Variants in SORCS2 observed in about 807,000 individuals in gnomAD.
SORCS2 encodes the protein sortilin related VPS10 domain containing receptor 2.
Under a neutral mutation model 141.6 loss-of-function variants are expected in SORCS2, and 100 were observed. The ratio of observed to expected loss-of-function variants is 0.71; its 90% CI spans 0.60 to 0.83. The LOEUF is 0.83. SORCS2 is among the 40% of genes least tolerant of loss of function. The probability of loss-of-function intolerance (pLI) is 0.00; values close to 1 mark genes in which losing one functional copy is unlikely to be tolerated. For synonymous variants in SORCS2, 789 were observed against 676.9 expected (o/e 1.17, Z -2.57); for missense variants, 1,646 against 1,560.2 (o/e 1.05, Z -0.93).
intron 3 of SORCS2, among the ~76,000 whole-genome samples, chr4:7,535,348 A>T (rs989925395): frequency 2.6e-5 from 4 of 152,098 alleles, no homozygotes; most frequent in Non-Finnish European, 4.4e-5. Context: ...AGTGCAGCGG[A>T]TGTGGGGCAC....
chr4:7,218,554 G>A (rs1350747309), intron 1 of SORCS2, among the ~76,000 whole-genome samples: 1 of 152,188 alleles, frequency 6.6e-6, no homozygotes, highest in Admixed American at 6.5e-5. Context: ...TCCTTGAGAA[G>A]CCTACTGCAT....
At position 7,689,564 on chromosome 4, in the gene SORCS2, GC is replaced by G; in HGVS notation, c.1571del (p.Pro524GlnfsTer49). ...VSGTVHTKDT[A>X]PGLIMGAGNL... ...AGGCACCGTGCACACCAAGGACACC[GC>G]CCCAGGCCTCATCATGGGTGCAGGT... On this transcript the variant is annotated frameshift_variant, in exon 11 of 27. Coordinates refer to ENST00000507866, the MANE Select transcript of SORCS2 (RefSeq NM_020777.3). LOFTEE classifies it high-confidence loss of function. 1 of 1,601,908 alleles carries G rather than the reference GC, an allele frequency of 6.2e-7. No homozygotes were observed.
chr4:7,225,816 C>A (rs919003398), intron 1 of SORCS2, among the ~76,000 whole-genome samples: 1 of 152,140 alleles, frequency 6.6e-6, no homozygotes, highest in African/African-American at 2.4e-5. Context: ...AGCGTGGTGT[C>A]CGTACAGCAG....
In SORCS2 at chr4:7,471,537, G is replaced by A. The variant is rs555876777; in HGVS notation, c.549-59993G>A. On this transcript the variant is annotated intron_variant, in intron 2 of 26. Transcript: ENST00000507866. ...CGTTCCAGGGAAGAGGGAGCAGAACGAAGATCAGCAGTGGCCCTCCAGCGG... is the reference window on the plus strand; with the variant it reads ...CGTTCCAGGGAAGAGGGAGCAGAACAAAGATCAGCAGTGGCCCTCCAGCGG... Among the ~76,000 whole-genome samples, 4 of 152,340 alleles carry A rather than the reference G, an allele frequency of 2.6e-5. No individual in the cohort carries two copies. In the East Asian group the frequency reaches 7.7e-4, roughly 29 times the overall value.
intron 1 of SORCS2, among the ~76,000 whole-genome samples, chr4:7,252,378 C>T (rs1368346393): frequency 1.2e-4 from 19 of 152,244 alleles, no homozygotes; most frequent in African/African-American, 3.6e-4. Flanking sequence ...GCTCAGGGGC[C>T]GGCAGTGCAT....
intron 9 of SORCS2, among the ~76,000 whole-genome samples, chr4:7,677,501 C>T (rs1366825624): frequency 6.6e-6 from 1 of 152,248 alleles, no homozygotes; most frequent in African/African-American, 2.4e-5. Flanking sequence ...TGGTGCCCTC[C>T]TCTTGGGACC....
chr4:7,558,328 C>T (rs1714282803), intron 3 of SORCS2, among the ~76,000 whole-genome samples: 1 of 152,126 alleles, frequency 6.6e-6, no homozygotes, highest in African/African-American at 2.4e-5. Flanking sequence ...TTGGCCTTGG[C>T]CCACTAGATG....
At chr4:7,571,265 A>C (rs1047364525) in intron 3 of SORCS2, among the ~76,000 whole-genome samples, 2 of 152,210 alleles carry the variant, frequency 1.3e-5, no homozygotes, top group African/African-American at 4.8e-5. Context: ...GTCTAGCCAG[A>C]CATGGCCCAG....
At chr4:7,246,828 A>T (rs1022358285) in intron 1 of SORCS2, among the ~76,000 whole-genome samples, 2 of 151,678 alleles carry the variant, frequency 1.3e-5, no homozygotes, top group African/African-American at 4.8e-5. Flanking sequence ...AGGGCCTGGA[A>T]CTCTTTCGCC....
At chr4:7,459,682 T>A (rs1377385845) in intron 2 of SORCS2, among the ~76,000 whole-genome samples, 56 of 152,120 alleles carry the variant, frequency 3.7e-4, no homozygotes, top group Non-Finnish European at 1.5e-5. Flanking sequence ...CTCAGAGTGC[T>A]CAGGAGGACT....
At chr4:7,593,887 A>G (rs761833782) in intron 3 of SORCS2, among the ~76,000 whole-genome samples, 6 of 152,166 alleles carry the variant, frequency 3.9e-5, no homozygotes, top group Non-Finnish European at 8.8e-5. Flanking sequence ...AGAAGGCGCT[A>G]CTCGGAGACT....
At chr4:7,304,887 G>C (rs1247534204) in intron 1 of SORCS2, among the ~76,000 whole-genome samples, 1 of 152,200 alleles carries the variant, frequency 6.6e-6, no homozygotes, top group Non-Finnish European at 1.5e-5. Flanking sequence ...CCAATGTTTG[G>C]GGCTGGGTTG....
chr4:7,578,898 T>C (rs1236711258), intron 3 of SORCS2, among the ~76,000 whole-genome samples: 1 of 152,238 alleles, frequency 6.6e-6, no homozygotes, highest in Non-Finnish European at 1.5e-5. Context: ...ACCTTATCCC[T>C]AAGTTTACTA....
intron 1 of SORCS2, among the ~76,000 whole-genome samples, chr4:7,261,615 G>A (rs1200287847): frequency 6.6e-6 from 1 of 152,200 alleles, no homozygotes; most frequent in Non-Finnish European, 1.5e-5. Flanking sequence ...TACATATCCT[G>A]CATTTAATAA....
At chr4:7,376,521 G>A (rs1029220015) in intron 1 of SORCS2, among the ~76,000 whole-genome samples, 2 of 152,186 alleles carry the variant, frequency 1.3e-5, no homozygotes, top group African/African-American at 2.4e-5. Flanking sequence ...AGGTTGCAAT[G>A]AGCCAAGATT....
At chr4:7,507,225 A>G (rs1310071118) in intron 2 of SORCS2, among the ~76,000 whole-genome samples, 1 of 149,432 alleles carries the variant, frequency 6.7e-6, no homozygotes, top group Non-Finnish European at 1.5e-5. Context: ...GCCAGGCTGG[A>G]GTGCAGTGGC....
intron 2 of SORCS2, among the ~76,000 whole-genome samples, chr4:7,471,046 C>A (rs1050061974): frequency 6.6e-6 from 1 of 152,012 alleles, no homozygotes; most frequent in Non-Finnish European, 1.5e-5. Context: ...GGGCTGCCTG[C>A]GAAAACCCAA....
chr4:7,219,165 C>A (rs376522873), intron 1 of SORCS2, among the ~76,000 whole-genome samples: 3 of 150,190 alleles, frequency 2.0e-5, no homozygotes, highest in Admixed American at 6.6e-5. Context: ...ATCTTTTTGT[C>A]TATGCTGTGT....
At chr4:7,217,299 C>T (rs541504496) in intron 1 of SORCS2, among the ~76,000 whole-genome samples, 18 of 152,312 alleles carry the variant, frequency 1.2e-4, no homozygotes, top group African/African-American at 4.1e-4. Flanking sequence ...TGCTGGTGCC[C>T]TGGCCCTCAG....
Sources: gnomAD v4.1 joint callset for allele counts (sites outside exome capture counted in the v4.1 genomes callset) on GRCh38, gnomAD v4.1.1 for gene constraint, MANE v1.5 for transcripts, NCBI Gene and HGNC (gene_info 2026-07-23, HGNC 2026-07-21) for gene names.